The following PCDH11Y variants were observed in gnomAD, a reference collection of about 807,000 sequenced individuals.
PCDH11Y encodes protocadherin-11 Y-linked.
For synonymous variants in PCDH11Y, 9 were observed against 83.6 expected, an observed-to-expected ratio of 0.11 and a Z score of 4.87; for missense variants, 12 against 224.8, an observed-to-expected ratio of 0.05 and a Z score of 6.05.
chrY:5,594,368 C>T (rs2053465223), intron 4 of PCDH11Y, among the ~76,000 whole-genome samples: 1 of 31,550 alleles, frequency 3.2e-5, no homozygotes, highest in Non-Finnish European at 7.7e-5. Flanking sequence ...CTGTGCCCAC[C>T]AAGGCTCTGA....
intron 4 of PCDH11Y, among the ~76,000 whole-genome samples, chrY:5,715,330 A>G (rs1340373559): frequency 6.0e-5 from 2 of 33,534 alleles, no homozygotes; most frequent in Non-Finnish European, 1.5e-4. Context: ...ACCTCCCCCA[A>G]TTGTACCACC....
chrY:5,074,516 A>G (rs2124631176), intron 1 of PCDH11Y, among the ~76,000 whole-genome samples: 1 of 27,449 alleles, frequency 3.6e-5, no homozygotes, highest in Admixed American at 3.7e-4. Flanking sequence ...TGATAAAAAG[A>G]TATTTTATGA....
chrY:5,180,847 C>T, intron 2 of PCDH11Y, among the ~76,000 whole-genome samples: 1 of 32,964 alleles, frequency 3.0e-5, no homozygotes, highest in Non-Finnish European at 7.5e-5. Flanking sequence ...AGGCAGCATA[C>T]CAATGGGTTT....
At chrY:5,494,361 A>T in intron 2 of PCDH11Y, among the ~76,000 whole-genome samples, 1 of 33,465 alleles carries the variant, frequency 3.0e-5, no homozygotes, top group Non-Finnish European at 7.4e-5. Context: ...ACAATTTATA[A>T]ACAATAACAT....
chrY:5,391,755 G>A, intron 2 of PCDH11Y, among the ~76,000 whole-genome samples: 4 of 32,069 alleles, frequency 1.2e-4, no homozygotes, highest in Admixed American at 1.2e-3. Context: ...ATTCATCTAG[G>A]CAAAAAGGCA....
At chrY:5,084,798 ACT>A (rs2052726843) in intron 1 of PCDH11Y, among the ~76,000 whole-genome samples, 1 of 32,586 alleles carries the variant, frequency 3.1e-5, no homozygotes, top group East Asian at 7.9e-4. Context: ...CTTGAAATTT[ACT>A]CTGTTTGATA....
chrY:5,474,777 A>G (rs2053317091), intron 2 of PCDH11Y, among the ~76,000 whole-genome samples: 1 of 32,734 alleles, frequency 3.1e-5, no homozygotes, highest in Non-Finnish European at 7.6e-5. Flanking sequence ...ACCATGCACA[A>G]TATTAAGTAT....
intron 2 of PCDH11Y, among the ~76,000 whole-genome samples, chrY:5,438,094 T>C (rs1325015440): frequency 3.4e-3 from 97 of 28,377 alleles, no homozygotes; most frequent in Non-Finnish European, 6.9e-3. Flanking sequence ...AGAGAGCAGT[T>C]TTAGGTCATG....
intron 2 of PCDH11Y, among the ~76,000 whole-genome samples, chrY:5,160,038 T>TATAATATA (rs2052873117): frequency 2.7e-4 from 4 of 15,032 alleles, no homozygotes; most frequent in East Asian, 3.6e-3. Context: ...TAATATAATA[T>TATAATATA]ATATAATATA....
intron 4 of PCDH11Y, among the ~76,000 whole-genome samples, chrY:5,716,806 G>T (rs2053590313): frequency 7.1e-4 from 23 of 32,577 alleles, no homozygotes; most frequent in Non-Finnish European, 4.5e-4. Flanking sequence ...CAAAACCAGA[G>T]GAATTATATT....
chrY:5,360,492 A>C, intron 2 of PCDH11Y, among the ~76,000 whole-genome samples: 3 of 32,549 alleles, frequency 9.2e-5, no homozygotes, highest in Non-Finnish European at 1.5e-4. Context: ...AGAGTCGAGA[A>C]CACACATACT....
chrY:5,146,239 GAAAAA>G (rs2052856783), intron 2 of PCDH11Y, among the ~76,000 whole-genome samples: 2 of 33,673 alleles, frequency 5.9e-5, no homozygotes, highest in East Asian at 1.6e-3. Flanking sequence ...TCTCTCCATG[GAAAAA>G]TAGTCTTCCA....
At chrY:5,712,317 G>T (rs2124713175) in intron 4 of PCDH11Y, among the ~76,000 whole-genome samples, 5 of 33,277 alleles carry the variant, frequency 1.5e-4, no homozygotes, top group East Asian at 1.6e-3. Context: ...TCTAAATAAG[G>T]TCTGGAGACA....
At chrY:5,371,191 A>G (rs2053186510) in intron 2 of PCDH11Y, among the ~76,000 whole-genome samples, 1 of 31,889 alleles carries the variant, frequency 3.1e-5, no homozygotes, top group South Asian at 7.2e-4. Flanking sequence ...CTGGGAGTCT[A>G]TTACACTGGA....
chrY:5,378,907 G>C, intron 2 of PCDH11Y, among the ~76,000 whole-genome samples: 1 of 33,039 alleles, frequency 3.0e-5, no homozygotes, highest in African/African-American at 1.2e-4. Flanking sequence ...CAAAAAGATA[G>C]TTATTACTGG....
intron 4 of PCDH11Y, among the ~76,000 whole-genome samples, chrY:5,666,757 G>T (rs2053545016): frequency 3.4e-5 from 1 of 29,619 alleles, no homozygotes; most frequent in Non-Finnish European, 8.0e-5. Flanking sequence ...TCCATCCCTC[G>T]CTCTCCCTTC....
At chrY:5,407,862 C>T (rs2053241640) in intron 2 of PCDH11Y, among the ~76,000 whole-genome samples, 9 of 25,814 alleles carry the variant, frequency 3.5e-4, no homozygotes, top group Non-Finnish European at 6.1e-4. Flanking sequence ...TGCAGTGAGC[C>T]GAGATCGCGC....
intron 2 of PCDH11Y, among the ~76,000 whole-genome samples, chrY:5,380,753 A>AT (rs2053204406): frequency 2.0e-4 from 6 of 29,530 alleles, no homozygotes; most frequent in East Asian, 9.1e-4. Context: ...CGCCCGGCTA[A>AT]TTTTTTTTTG....
At chrY:5,132,697 G>T in intron 2 of PCDH11Y, among the ~76,000 whole-genome samples, 1 of 31,586 alleles carries the variant, frequency 3.2e-5, no homozygotes, top group Non-Finnish European at 7.7e-5. Context: ...ATTCTAATGT[G>T]GGCATGTTCA....
Sources: allele counts gnomAD v4.1 joint callset (sites outside exome capture counted in the v4.1 genomes callset), GRCh38; gene constraint gnomAD v4.1.1; transcripts MANE v1.5; gene names NCBI Gene and HGNC (gene_info 2026-07-23, HGNC 2026-07-21).